The following GPR149 variants were observed in gnomAD, a reference collection of about 807,000 sequenced individuals.
GPR149 encodes the protein G protein-coupled receptor 149.
GPR149 carries 50 observed loss-of-function variants against 50.2 expected under a neutral mutation model. The ratio of observed to expected loss-of-function variants is 1.00; its 90% confidence interval spans 0.79 to 1.26. The LOEUF is 1.26. Ranked by LOEUF, GPR149 falls within the 50% of genes most tolerant of loss-of-function variation. GPR149 has a pLI of 0.00. For synonymous variants in GPR149, 405 were observed against 358.2 expected (o/e 1.13, Z -1.48); for missense variants, 983 against 895.4 (o/e 1.10, Z -1.25).
In GPR149 at chr3:154,429,828, A is replaced by C; in HGVS notation, c.-213T>G. 2.3e-6 allele frequency: 1 copy of C among 434,682 alleles called. No homozygotes were observed. 26.9% of individuals were successfully genotyped at this position (434,682 alleles called of 1,614,324 possible). ...TAGGTTCCATTTCAAGCATAAAAAA[A>C]AAAAAACCCGAACAGATAACTTTTC... On this transcript the variant is annotated 5_prime_UTR_variant, in exon 1 of 4. Transcript: ENST00000389740.
chr3:154,358,423 A>T (rs1714296502), intron 3 of GPR149, among the ~76,000 whole-genome samples: 1 of 152,136 alleles, frequency 6.6e-6, no homozygotes, highest in South Asian at 2.1e-4. Flanking sequence ...TTTTTCCTTG[A>T]AAAATATCTA....
rs1712335789 is a variant in GPR149 at position 154,427,513 on chromosome 3, T to C, written c.1174+3A>G. 1 of 1,602,814 alleles carries C rather than the reference T, an allele frequency of 6.2e-7. No individual in the cohort carries two copies. Among genetic ancestry groups the C allele is most frequent in the African/African-American group, 1.3e-5 (1 of 74,650 alleles). ...GCCAATCACTGCAGTGTTGAGGACT[T>C]ACTTTTTTTCCCATCGGACGCCACT... On this transcript the variant is annotated splice_donor_region_variant and intron_variant, in intron 2 of 3. Transcript: ENST00000389740.
intron 3 of GPR149, among the ~76,000 whole-genome samples, chr3:154,361,561 A>C (rs987471107): frequency 6.6e-6 from 1 of 152,188 alleles, no homozygotes; most frequent in African/African-American, 2.4e-5. Flanking sequence ...ACTAATGTAT[A>C]TTTTAATTTT....
At chr3:154,377,153 A>G (rs1379270927) in intron 3 of GPR149, among the ~76,000 whole-genome samples, 3 of 151,368 alleles carry the variant, frequency 2.0e-5, no homozygotes, top group African/African-American at 7.3e-5. Flanking sequence ...TTGCCAGTGG[A>G]ACATAATTTT....
rs1713684733 is a variant in GPR149 at position 154,337,640 on chromosome 3, T to G, written c.*59A>C. 8.2e-7 allele frequency: 1 copy of G among 1,216,420 alleles called. No individual in the cohort carries two copies. Among genetic ancestry groups the G allele is most frequent in the East Asian group, 2.3e-5 (1 of 42,626 alleles). The allele number at this position is 1,216,420 out of a possible 1,614,324, so 75.4% of individuals were successfully genotyped here. On this transcript the variant is annotated 3_prime_UTR_variant, in exon 4 of 4. Transcript: ENST00000389740. ...AAGGAAATCAGTCTCATAACAAAGGTGTTAGTTTCACAGTTGACGTTGCAG... is the reference window on the plus strand; with the variant it reads ...AAGGAAATCAGTCTCATAACAAAGGGGTTAGTTTCACAGTTGACGTTGCAG...
At chr3:154,387,686 G>C (rs1715076662) in intron 3 of GPR149, among the ~76,000 whole-genome samples, 1 of 151,956 alleles carries the variant, frequency 6.6e-6, no homozygotes, top group Non-Finnish European at 1.5e-5. Context: ...TCATGGGAAT[G>C]GTGAAAAATA....
chr3:154,360,325 A>C (rs981806675), intron 3 of GPR149, among the ~76,000 whole-genome samples: 16 of 152,224 alleles, frequency 1.1e-4, no homozygotes, highest in African/African-American at 2.9e-4. Context: ...AAGGTACTAA[A>C]GCAATGGTGG....
intron 3 of GPR149, among the ~76,000 whole-genome samples, chr3:154,391,475 C>T (rs1715166917): frequency 6.6e-6 from 1 of 151,130 alleles, no homozygotes; most frequent in Non-Finnish European, 1.5e-5. Flanking sequence ...AGAAGGAAAT[C>T]AAAGTATAGC....
chr3:154,345,665 A>T (rs1312406666), intron 3 of GPR149, among the ~76,000 whole-genome samples: 1 of 152,220 alleles, frequency 6.6e-6, no homozygotes, highest in Admixed American at 6.5e-5. Context: ...GACCTTCGGC[A>T]CATTGAATGT....
intron 3 of GPR149, among the ~76,000 whole-genome samples, chr3:154,408,958 G>A (rs934797360): frequency 1.3e-5 from 2 of 152,226 alleles, no homozygotes; most frequent in African/African-American, 4.8e-5. Context: ...CACAACCAAA[G>A]GCCCTCACAG....
chr3:154,355,318 G>C (rs192983386), intron 3 of GPR149, among the ~76,000 whole-genome samples: 6 of 152,186 alleles, frequency 3.9e-5, no homozygotes, highest in Admixed American at 1.3e-4. Context: ...GAGCCACCAC[G>C]CCCGGCCACT....
rs189139472 is a variant in GPR149, at chr3:154,353,058, T to C, written c.1624-14787A>G. ...GAAGCCTTTTAGTGTAATTTCTCTT[T>C]GTGACTGTGCAATATCCCCATGTAA... On this transcript the variant is annotated intron_variant, in intron 3 of 3. Coordinates refer to ENST00000389740, the MANE Select transcript of GPR149 (RefSeq NM_001038705.3). The C allele has an allele frequency of 2.1e-6, 3 of 1,410,142 alleles. No homozygotes were observed. The African/African-American group carries it at 4.2e-5, about 20-fold the overall frequency. The allele number at this position is 1,410,142 out of a possible 1,614,324, so 87.4% of individuals were successfully genotyped here.
intron 3 of GPR149, among the ~76,000 whole-genome samples, chr3:154,415,008 A>T (rs988096154): frequency 1.3e-5 from 2 of 152,012 alleles, no homozygotes; most frequent in Non-Finnish European, 2.9e-5. Flanking sequence ...GTAACTTTAC[A>T]TTAGTGGAAA....
At chr3:154,355,403 A>G (rs771711860) in intron 3 of GPR149, among the ~76,000 whole-genome samples, 1 of 152,210 alleles carries the variant, frequency 6.6e-6, no homozygotes, top group Non-Finnish European at 1.5e-5. Flanking sequence ...ATCCGTGTGT[A>G]CAATCATCAC....
intron 3 of GPR149, among the ~76,000 whole-genome samples, chr3:154,402,599 G>GA (rs920876649): frequency 3.2e-4 from 48 of 150,606 alleles, no homozygotes; most frequent in African/African-American, 1.1e-3. Context: ...TGAAAGCCAA[G>GA]AAAAAAAAAG....
At chr3:154,352,718 C>G in intron 3 of GPR149, 1 of 784,880 alleles carries the variant, frequency 1.3e-6, no homozygotes, top group Non-Finnish European at 2.4e-6. Context: ...AAATCAACAG[C>G]AGCATAAGAA....
At chr3:154,413,555 C>T (rs1289827125) in intron 3 of GPR149, among the ~76,000 whole-genome samples, 1 of 151,778 alleles carries the variant, frequency 6.6e-6, no homozygotes, top group African/African-American at 2.4e-5. Context: ...TAGAAAAATG[C>T]TCAACACCAC....
chr3:154,374,172 T>TTC (rs1308318577), intron 3 of GPR149, among the ~76,000 whole-genome samples: 4 of 141,818 alleles, frequency 2.8e-5, no homozygotes, highest in African/African-American at 7.9e-5. Context: ...TTCTTTTCTT[T>TTC]TTTTTTTTTT....
Position 154,338,241 on chromosome 3 carries a change from A to T in GPR149, c.1654T>A (p.Cys552Ser). 6.3e-7 allele frequency: 1 copy of T among 1,594,074 alleles called. No individual in the cohort carries two copies. The highest frequency in any genetic ancestry group is 8.5e-7 in the Non-Finnish European group (1 of 1,171,004). ...AGAGACACAGTCCCCTGGAATGCAC[A>T]CAAGGGAATGGCAAGGGCATAACCG... ...RSGYALAIPL[C>S]AFQGTVSLHA... is the part of the protein sequence containing the mutation. The change falls in exon 4 of 4, where the codon TGT (cysteine) becomes AGT (serine). Residue 552 changes from cysteine (C) to serine (S), a missense_variant. By Grantham distance (112) the Cys-to-Ser change is moderately radical. Transcript: ENST00000389740.
Sources: allele counts gnomAD v4.1 joint callset (sites outside exome capture counted in the v4.1 genomes callset), GRCh38; gene constraint gnomAD v4.1.1; transcripts MANE v1.5; gene names NCBI Gene and HGNC (gene_info 2026-07-23, HGNC 2026-07-21).